Variants in RBFOX3 observed in about 807,000 individuals in gnomAD.
RBFOX3 encodes RNA binding protein fox-1 homolog 3.
Under a neutral mutation model 48.7 loss-of-function variants are expected in RBFOX3, and 17 were observed. That is an observed-to-expected ratio of 0.35 (90% CI 0.24 to 0.52). The LOEUF is 0.52. RBFOX3 is among the 20% of genes least tolerant of loss of function. The pLI is 0.94. For synonymous variants in RBFOX3, 212 were observed against 209.5 expected, an observed-to-expected ratio of 1.01 and a Z score of -0.10; for missense variants, 382 against 497.5, an observed-to-expected ratio of 0.77 and a Z score of 2.21.
intron 4 of RBFOX3, among the ~76,000 whole-genome samples, chr17:79,130,868 C>T (rs75694668): frequency 0.014 from 2,192 of 152,364 alleles, 50 homozygotes; most frequent in African/African-American, 0.047. Flanking sequence ...GCCTCAAAGC[C>T]GAAGCACAAA....
Position 79,214,002 on chromosome 17 carries a change from T to C in RBFOX3, c.-34+21764A>G, listed in dbSNP as rs1443549610. Among the ~76,000 whole-genome samples the C allele has an allele frequency of 3.9e-5, 6 of 152,222 alleles. No homozygotes were observed. Among genetic ancestry groups the C allele is most frequent in the Non-Finnish European group, 8.8e-5 (6 of 68,034 alleles). Reference sequence around the variant, plus strand: ...CCCTAAACACTCAGCGGATCAGACTTGGTTCCGTTTCCGAAGGTGGTGCCA... The same window carrying C: ...CCCTAAACACTCAGCGGATCAGACTCGGTTCCGTTTCCGAAGGTGGTGCCA... On this transcript the variant is annotated intron_variant, in intron 4 of 14. Transcript: ENST00000693108. This position sits in a 1 kb window ranked among gnomAD's most constrained non-coding sequence, Gnocchi z 4.7.
chr17:79,322,363 A>T (rs913041487), intron 2 of RBFOX3, among the ~76,000 whole-genome samples: 1 of 152,096 alleles, frequency 6.6e-6, no homozygotes, highest in Non-Finnish European at 1.5e-5. Context: ...GCTGGGGGAG[A>T]GTTCCAAGTC....
intron 2 of RBFOX3, among the ~76,000 whole-genome samples, chr17:79,414,744 C>T (rs1253307283): frequency 6.6e-6 from 1 of 152,198 alleles, no homozygotes; most frequent in Non-Finnish European, 1.5e-5. Flanking sequence ...ACAGCGTGCC[C>T]ACGGGAGGAC....
intron 4 of RBFOX3, among the ~76,000 whole-genome samples, chr17:79,207,520 C>T (rs1416239502): frequency 5.9e-5 from 9 of 152,242 alleles, no homozygotes; most frequent in Admixed American, 3.3e-4. Flanking sequence ...AGAAGCCTCT[C>T]GGGTTATTCC....
chr17:79,273,444 T>C (rs1461548454), intron 3 of RBFOX3, among the ~76,000 whole-genome samples: 1 of 151,262 alleles, frequency 6.6e-6, no homozygotes, highest in Non-Finnish European at 1.5e-5. Flanking sequence ...TGGAGTCAGG[T>C]TGTTGGAGGA....
rs562947226 is a variant in RBFOX3 at position 79,543,026 on chromosome 17, G to T, written c.-319-60428C>A. ...GTGGCTGCCATCCAGGTCCAGGCAG[G>T]CACAGACCCCTATATATCACAGCTG... On this transcript the variant is annotated intron_variant, in intron 1 of 14. Transcript: ENST00000693108. Among the ~76,000 whole-genome samples, 79 of 152,158 alleles carry T rather than the reference G, an allele frequency of 5.2e-4. 1 individual carries two copies. Among genetic ancestry groups the T allele is most frequent in the South Asian group, 4.4e-3 (21 of 4,806 alleles).
chr17:79,177,107 C>T (rs1219489357), intron 4 of RBFOX3, among the ~76,000 whole-genome samples: 1 of 152,160 alleles, frequency 6.6e-6, no homozygotes, highest in African/African-American at 2.4e-5. Context: ...ACTGTCTGTC[C>T]TGGCCCAGGT....
intron 1 of RBFOX3, among the ~76,000 whole-genome samples, chr17:79,518,364 T>C (rs956959204): frequency 3.5e-4 from 54 of 152,336 alleles, no homozygotes; most frequent in African/African-American, 1.3e-3. Flanking sequence ...CGAGTGACAC[T>C]GTTTGGGAGA....
intron 4 of RBFOX3, among the ~76,000 whole-genome samples, chr17:79,230,538 G>C (rs558667700): frequency 2.6e-4 from 39 of 152,090 alleles, no homozygotes; most frequent in African/African-American, 8.2e-4. Flanking sequence ...GGATTACAGG[G>C]GTGAGCCACG....
intron 2 of RBFOX3, among the ~76,000 whole-genome samples, chr17:79,476,286 C>A (rs1035344568): frequency 2.4e-3 from 360 of 152,384 alleles, no homozygotes; most frequent in African/African-American, 8.3e-3. Context: ...TCGCCCACAG[C>A]GCCCTCTGCG....
At chr17:79,226,330 C>T (rs959668397) in intron 4 of RBFOX3, among the ~76,000 whole-genome samples, 6 of 152,304 alleles carry the variant, frequency 3.9e-5, no homozygotes, top group South Asian at 4.1e-4. Context: ...GGGCTTTAAC[C>T]GTATTAGCGT....
At chr17:79,547,657 TG>T (rs1448010233) in intron 1 of RBFOX3, among the ~76,000 whole-genome samples, 4 of 152,024 alleles carry the variant, frequency 2.6e-5, no homozygotes, top group African/African-American at 9.7e-5. Flanking sequence ...GAACATCCAC[TG>T]GGGAGAAGAG....
intron 2 of RBFOX3, among the ~76,000 whole-genome samples, chr17:79,447,949 C>T (rs767618791): frequency 2.0e-5 from 3 of 152,158 alleles, no homozygotes; most frequent in Non-Finnish European, 4.4e-5. Flanking sequence ...TGAGTTTACA[C>T]AAGACCCAGT....
At chr17:79,105,158 G>A (rs1043282878) in intron 6 of RBFOX3, among the ~76,000 whole-genome samples, 2 of 152,226 alleles carry the variant, frequency 1.3e-5, no homozygotes, top group Non-Finnish European at 2.9e-5. Context: ...TGGAGGCGGG[G>A]GGTGCAGCAA....
At chr17:79,354,551 C>A (rs979163171) in intron 2 of RBFOX3, among the ~76,000 whole-genome samples, 1 of 152,242 alleles carries the variant, frequency 6.6e-6, no homozygotes, top group East Asian at 1.9e-4. Flanking sequence ...CAGAACTAAC[C>A]CCGGGACAGA....
At chr17:79,131,981 G>C (rs917897035) in intron 4 of RBFOX3, among the ~76,000 whole-genome samples, 2 of 152,170 alleles carry the variant, frequency 1.3e-5, no homozygotes, top group African/African-American at 2.4e-5. Flanking sequence ...CATAAATAAT[G>C]TGGCTCCATA....
chr17:79,648,530 A>G, the RBFOX3 span, among the ~76,000 whole-genome samples: 1 of 152,182 alleles, frequency 6.6e-6, no homozygotes, highest in Non-Finnish European at 1.5e-5. Flanking sequence ...CATGTCCAGC[A>G]AGCCCTGCAA....
chr17:79,259,641 G>T (rs1360487983), intron 3 of RBFOX3, among the ~76,000 whole-genome samples: 1 of 152,172 alleles, frequency 6.6e-6, no homozygotes, highest in Non-Finnish European at 1.5e-5. Flanking sequence ...CAGCTGGGAG[G>T]GGGCTGAGAG....
Position 79,377,475 on chromosome 17 carries a change from A to T in RBFOX3, c.-174-69651T>A, listed in dbSNP as rs569366981. Among the ~76,000 whole-genome samples, 30 of 152,212 alleles carry T rather than the reference A, an allele frequency of 2.0e-4. No individual in the cohort carries two copies. The South Asian group carries it at 6.2e-3, about 32-fold the overall frequency. ...TGGGCATGCGCACGCACACACACAC[A>T]CCATGCTCAGCGACATCACTCCGAG... On this transcript the variant is annotated intron_variant, in intron 2 of 14. Coordinates refer to ENST00000693108, the MANE Select transcript of RBFOX3 (RefSeq NM_001350451.2).
Sources: allele counts gnomAD v4.1 joint callset (sites outside exome capture counted in the v4.1 genomes callset), GRCh38; gene constraint gnomAD v4.1.1; non-coding constraint Gnocchi (gnomAD v3.1); transcripts MANE v1.5; gene names NCBI Gene and HGNC (gene_info 2026-07-23, HGNC 2026-07-21).